The following CAMK2D variants were observed in gnomAD, a reference collection of about 807,000 sequenced individuals.
CAMK2D encodes the protein calcium/calmodulin-dependent protein kinase type II subunit delta.
In CAMK2D, 37 loss-of-function variants were observed where a neutral mutation model predicts 84.0. That is an observed-to-expected ratio of 0.44 (90% CI 0.34 to 0.58). The LOEUF (loss-of-function observed/expected upper bound fraction) is 0.58, where lower values mean the gene tolerates loss of function less well. Ranked by LOEUF, CAMK2D falls within the 20% of genes least tolerant of loss-of-function variation. The probability of loss-of-function intolerance (pLI) is 0.02; values close to 1 mark genes in which losing one functional copy is unlikely to be tolerated. For missense variants in CAMK2D, 448 were observed against 652.5 expected (o/e 0.69, Z 3.41); for synonymous variants, 202 against 212.5 (o/e 0.95, Z 0.43).
intron 3 of CAMK2D, among the ~76,000 whole-genome samples, chr4:113,619,923 T>G (rs564481622): frequency 5.3e-5 from 8 of 152,222 alleles, no homozygotes; most frequent in African/African-American, 1.9e-4. Flanking sequence ...GGCCGGAGTT[T>G]GGCATGCATA....
At chr4:113,547,587 G>T in intron 6 of CAMK2D, 57 bp downstream of exon 6, 1 of 1,136,814 alleles carries the variant, frequency 8.8e-7, no homozygotes, top group Non-Finnish European at 1.2e-6. Flanking sequence ...CATAATTGCA[G>T]CTGAACAGTC....
intron 6 of CAMK2D, among the ~76,000 whole-genome samples, chr4:113,541,618 A>G (rs1306945686): frequency 1.3e-5 from 2 of 152,172 alleles, no homozygotes; most frequent in Non-Finnish European, 2.9e-5. Context: ...TTTGAATATT[A>G]TAAAAAGAGC....
At chr4:113,477,135 A>G (rs547455105) in intron 16 of CAMK2D, among the ~76,000 whole-genome samples, 1 of 152,286 alleles carries the variant, frequency 6.6e-6, no homozygotes, top group African/African-American at 2.4e-5. Context: ...CCTTATCTGT[A>G]CAGCAGATGA....
At chr4:113,649,290 T>G (rs1446773430) in intron 3 of CAMK2D, among the ~76,000 whole-genome samples, 1 of 152,234 alleles carries the variant, frequency 6.6e-6, no homozygotes, top group Non-Finnish European at 1.5e-5. Context: ...GATATAATCA[T>G]GAGTCGACTA....
intron 2 of CAMK2D, among the ~76,000 whole-genome samples, chr4:113,692,734 A>ACATACATATATT (rs2099391687): frequency 6.6e-6 from 1 of 150,782 alleles, no homozygotes; most frequent in African/African-American, 2.4e-5. Context: ...ATATATTCAT[A>ACATACATATATT]CATACATATT....
At chr4:113,564,053 C>A (rs1560998731) in intron 4 of CAMK2D, among the ~76,000 whole-genome samples, 1 of 152,158 alleles carries the variant, frequency 6.6e-6, no homozygotes, top group Non-Finnish European at 1.5e-5. Context: ...TCATTTGTGA[C>A]TATTAAATGT....
intron 2 of CAMK2D, among the ~76,000 whole-genome samples, chr4:113,717,753 T>C (rs899112538): frequency 1.3e-5 from 2 of 152,132 alleles, no homozygotes; most frequent in African/African-American, 4.8e-5. Context: ...TCCTTCGTAA[T>C]AGTCTTAGTT....
chr4:113,466,259 AAAATAAAT>A (rs3062115), intron 16 of CAMK2D, among the ~76,000 whole-genome samples: 106 of 146,098 alleles, frequency 7.3e-4, no homozygotes, highest in African/African-American at 1.7e-3. Flanking sequence ...CTCCGTCTCA[AAAATAAAT>A]AAATAAATAA....
chr4:113,709,529 G>C (rs993106297), intron 2 of CAMK2D, among the ~76,000 whole-genome samples: 13 of 151,324 alleles, frequency 8.6e-5, no homozygotes, highest in African/African-American at 3.2e-4. Context: ...AGGGTGGAAT[G>C]ATTTAAATAT....
chr4:113,544,623 G>A (rs1474351038), intron 6 of CAMK2D, among the ~76,000 whole-genome samples: 1 of 152,054 alleles, frequency 6.6e-6, no homozygotes, highest in Non-Finnish European at 1.5e-5. Flanking sequence ...GACAGCACAG[G>A]GTACATGGTA....
rs1453718972 is a variant in CAMK2D, at chr4:113,614,819, GT to G, written c.221-5614del. 2.0e-5 allele frequency among the ~76,000 whole-genome samples: 3 copies of G among 152,054 alleles called. No homozygotes were observed. In the East Asian group the frequency reaches 5.8e-4, roughly 29 times the overall value. On this transcript the variant is annotated intron_variant, in intron 3 of 20. Transcript: ENST00000511664. ...GATTGACCACATTGTCCTCAAATACGTTTTTCAATATCATAAGCAAATTTAG... is the reference window on the plus strand; with the variant it reads ...GATTGACCACATTGTCCTCAAATACGTTTTCAATATCATAAGCAAATTTAG...
At chr4:113,677,947 CTA>C (rs756691181) in intron 2 of CAMK2D, among the ~76,000 whole-genome samples, 2 of 151,564 alleles carry the variant, frequency 1.3e-5, no homozygotes, top group Non-Finnish European at 2.9e-5. Context: ...TCAAGCGAAA[CTA>C]TGCAATAATA....
intron 2 of CAMK2D, among the ~76,000 whole-genome samples, chr4:113,724,790 T>C (rs190052165): frequency 1.3e-5 from 2 of 152,136 alleles, no homozygotes; most frequent in African/African-American, 4.8e-5. Context: ...AATATCTTTT[T>C]TCCTTTTGTT....
At chr4:113,635,499 G>T (rs998640736) in intron 3 of CAMK2D, among the ~76,000 whole-genome samples, 2 of 152,112 alleles carry the variant, frequency 1.3e-5, no homozygotes, top group Non-Finnish European at 2.9e-5. Flanking sequence ...TTCAGAAAAA[G>T]GAAGGAAAAG....
At position 113,634,286 on chromosome 4, in the gene CAMK2D, A is replaced by G. The variant is rs143519123; in HGVS notation, c.221-25080T>C. On this transcript the variant is annotated intron_variant, in intron 3 of 20. Coordinates refer to ENST00000511664, the MANE Select transcript of CAMK2D (RefSeq NM_001321571.2). ...TAGCCCTGTCCACTGCTAGGTTCTGACATATTTATTCAGGCTTGTCTGGGA... is the reference window on the plus strand; with the variant it reads ...TAGCCCTGTCCACTGCTAGGTTCTGGCATATTTATTCAGGCTTGTCTGGGA... Among the ~76,000 whole-genome samples, 951 of 152,308 alleles carry G rather than the reference A, an allele frequency of 6.2e-3. 9 individuals carry two copies. The highest frequency in any genetic ancestry group is 0.022 in the African/African-American group (909 of 41,568).
chr4:113,708,851 A>C (rs1272305164), intron 2 of CAMK2D, among the ~76,000 whole-genome samples: 1 of 151,988 alleles, frequency 6.6e-6, no homozygotes, highest in East Asian at 1.9e-4. Flanking sequence ...CAGCCTCCTA[A>C]GTAGCTGAGA....
chr4:113,579,196 C>T (rs941885485), intron 4 of CAMK2D, among the ~76,000 whole-genome samples: 1 of 152,190 alleles, frequency 6.6e-6, no homozygotes, highest in Non-Finnish European at 1.5e-5. Flanking sequence ...GCAGAAATGG[C>T]TAGACAGGTG....
At chr4:113,601,683 C>CTTTTTTTTTTTTTTTTTTTT (rs755850795) in intron 4 of CAMK2D, among the ~76,000 whole-genome samples, 5 of 45,818 alleles carry the variant, frequency 1.1e-4, no homozygotes, top group African/African-American at 1.9e-4. Context: ...ACTGTTTATT[C>CTTTTTTTTTTTTTTTTTTTT]TTTTTTTTTT....
intron 3 of CAMK2D, among the ~76,000 whole-genome samples, chr4:113,644,913 T>C (rs1191950376): frequency 1.3e-5 from 2 of 152,216 alleles, no homozygotes; most frequent in Admixed American, 6.5e-5. Context: ...CATCTCACTG[T>C]AGAGCAGGGG....
Sources: allele counts gnomAD v4.1 joint callset (sites outside exome capture counted in the v4.1 genomes callset), GRCh38; gene constraint gnomAD v4.1.1; transcripts MANE v1.5; gene names NCBI Gene and HGNC (gene_info 2026-07-23, HGNC 2026-07-21).